BAHCC1: variants seen among roughly 807,000 people sequenced by gnomAD.
The protein encoded by BAHCC1 is BAH and coiled-coil domain-containing protein 1.
BAHCC1 carries 43 observed loss-of-function variants against 88.2 expected under a neutral mutation model. The observed-to-expected ratio is 0.49, with a 90% confidence interval of 0.38 to 0.63. The LOEUF (loss-of-function observed/expected upper bound fraction) is 0.63. Among genes scored for constraint, BAHCC1 ranks in the 20% least tolerant of loss-of-function variants. The pLI, the probability that BAHCC1 is intolerant of heterozygous loss-of-function variation, is 0.00. For synonymous variants in BAHCC1, 1,510 were observed against 745.5 expected (o/e 2.03, Z -16.71); for missense variants, 3,023 against 1,654.8 (o/e 1.83, Z -14.34).
chr17:81,446,438 ACC>A (rs2064528154), intron 10 of BAHCC1, among the ~76,000 whole-genome samples: 1 of 122,380 alleles, frequency 8.2e-6, no homozygotes, highest in African/African-American at 3.2e-5. Flanking sequence ...TCCTGAGGCC[ACC>A]CCCAGCCCCG....
intron 2 of BAHCC1, among the ~76,000 whole-genome samples, chr17:81,413,604 G>A (rs1031588645): frequency 1.3e-5 from 2 of 152,224 alleles, no homozygotes; most frequent in African/African-American, 2.4e-5. Flanking sequence ...GTTCCCAGAC[G>A]TCCTGCCTTG....
intron 2 of BAHCC1, among the ~76,000 whole-genome samples, chr17:81,413,564 C>G (rs901856143): frequency 6.6e-5 from 10 of 152,356 alleles, no homozygotes; most frequent in Admixed American, 2.0e-4. Context: ...CACGCAGGTG[C>G]AGTATCGTCT....
At chr17:81,429,484 C>G (rs2064236348) in intron 3 of BAHCC1, among the ~76,000 whole-genome samples, 1 of 152,230 alleles carries the variant, frequency 6.6e-6, no homozygotes, top group African/African-American at 2.4e-5. Flanking sequence ...GCCGGCGGGC[C>G]AGGGTGAGAG....
Position 81,442,422 on chromosome 17 carries a change from G to A in BAHCC1, c.1073G>A (p.Ser358Asn). 1.4e-6 allele frequency: 1 copy of A among 704,012 alleles called. No individual in the cohort carries two copies. The highest frequency in any genetic ancestry group is 2.6e-6 in the Non-Finnish European group (1 of 379,954). 43.6% of individuals were successfully genotyped at this position (704,012 alleles called of 1,614,324 possible). A position where few individuals can be genotyped will look rare whatever the true frequency, so the allele number is the denominator to read the frequency against. The part of the protein sequence containing the change: ...ASYAGPPPPL[S>N]TAAGSFPCLQ... ...TACGCCGGGCCACCCCCGCCCCTCA[G>A]CACAGCCGCCGGCTCCTTCCCCTGC... Residue 358 changes from serine to asparagine, a missense_variant, in exon 5 of 28, where the codon AGC (serine) becomes AAC (asparagine). Ser to Asn is a conservative substitution (Grantham distance 46). Transcript: ENST00000675386.
At chr17:81,424,720 G>A (rs1166294365) in intron 2 of BAHCC1, among the ~76,000 whole-genome samples, 2 of 151,726 alleles carry the variant, frequency 1.3e-5, no homozygotes, top group Admixed American at 6.6e-5. Flanking sequence ...AATGTGGTTG[G>A]TGTTGTGTGG....
rs782700601 is a variant in BAHCC1 at position 81,444,819 on chromosome 17, C to T, written c.2664C>T (p.His888=). 7 of 775,676 alleles carry T rather than the reference C, an allele frequency of 9.0e-6. No individual in the cohort carries two copies. The highest frequency in any genetic ancestry group is 2.7e-5 in the South Asian group (2 of 74,170). 48.0% of individuals were successfully genotyped at this position (775,676 alleles called of 1,614,324 possible). ...AGCCCACACCCCACAGCGCCCCCCA[C>T]GCACTTGGTAAGGGCCCCTGGTCCA... ...PSEPTPHSAP[H]ALADVMDQAS... is the part of the protein sequence containing the mutation. The change falls in exon 8 of 28, where the codon CAC becomes CAT. Residue 888 remains histidine, a synonymous_variant. Coordinates refer to ENST00000675386, the MANE Select transcript of BAHCC1 (RefSeq NM_001377448.1).
At chr17:81,402,401 G>A (rs1386366198) in intron 2 of BAHCC1, 1 of 152,174 alleles carries the variant, frequency 6.6e-6, no homozygotes, top group Admixed American at 6.5e-5. Flanking sequence ...AGATCACTTT[G>A]CTTTGGTCTG....
chr17:81,419,431 C>T (rs941399469), intron 2 of BAHCC1, among the ~76,000 whole-genome samples: 2 of 152,272 alleles, frequency 1.3e-5, no homozygotes, highest in East Asian at 3.8e-4. Context: ...GGGGGCTGCT[C>T]CTCCTTCCTG....
At position 81,447,405 on chromosome 17, in the gene BAHCC1, A is replaced by G; in HGVS notation, c.3533A>G (p.Gln1178Arg). ...GCCACCGGCCAGGCTCATTCTACTCAGGGAGGGGCACGAGAAGAGAGGAGC... is the reference window on the plus strand; with the variant it reads ...GCCACCGGCCAGGCTCATTCTACTCGGGGAGGGGCACGAGAAGAGAGGAGC... ...PEATGQAHST[Q>R]GGAREERSRE... Residue 1178 changes from glutamine to arginine, a missense_variant, in exon 11 of 28, where the codon CAG becomes CGG. Coordinates refer to ENST00000675386, the MANE Select transcript of BAHCC1 (RefSeq NM_001377448.1). 1.3e-6 allele frequency: 1 copy of G among 743,878 alleles called. No individual in the cohort carries two copies. Among genetic ancestry groups the G allele is most frequent in the Non-Finnish European group, 2.5e-6 (1 of 400,044 alleles). The allele number at this position is 743,878 out of a possible 1,614,324, so 46.1% of individuals were successfully genotyped here.
rs564346148 is a variant in BAHCC1 at position 81,461,571 on chromosome 17, C to T, written c.6908C>T (p.Ala2303Val). Residue 2303 changes from alanine (A) to valine (V), a missense_variant, in exon 26 of 28, where the codon GCG becomes GTG. Physicochemically the swap from Ala to Val is moderately conservative, Grantham distance 64. Transcript: ENST00000675386. ...SDEDEDGPGL[A>V]AGVPSRFLAR... Reference sequence around the variant, plus strand: ...GAGGACGAGGACGGGCCGGGGCTGGCGGCCGGCGTGCCCTCCCGCTTCCTC... The same window carrying T: ...GAGGACGAGGACGGGCCGGGGCTGGTGGCCGGCGTGCCCTCCCGCTTCCTC... 1.3e-5 allele frequency: 9 copies of T among 719,694 alleles called. 1 individual carries two copies. Among genetic ancestry groups the T allele is most frequent in the Middle Eastern group, 2.3e-4 (1 of 4,374 alleles). 44.6% of individuals were successfully genotyped at this position (719,694 alleles called of 1,614,324 possible).
chr17:81,463,578 C>T lies in BAHCC1; in HGVS notation c.7621-33C>T, dbSNP rs562684817. The T allele has an allele frequency of 3.4e-4, 264 of 777,578 alleles. 4 individuals are homozygous for T. The highest frequency in any genetic ancestry group is 3.1e-3 in the South Asian group (233 of 74,470). 48.2% of individuals were successfully genotyped at this position (777,578 alleles called of 1,614,324 possible). On this transcript the variant is annotated intron_variant, in intron 27 of 27. Coordinates refer to ENST00000675386, the MANE Select transcript of BAHCC1 (RefSeq NM_001377448.1). The stretch of plus-strand genomic sequence containing the variant: ...TGGGCAGGGGCGCACTGGCCAAGGC[C>T]GGCCACTGATGCCCCGCGCGCCTTG...
chr17:81,439,266 G>A (rs2064379183), intron 4 of BAHCC1, among the ~76,000 whole-genome samples: 1 of 152,206 alleles, frequency 6.6e-6, no homozygotes, highest in South Asian at 2.1e-4. Flanking sequence ...TCCTTGGGGT[G>A]ACACCAGGAG....
chr17:81,451,826 C>T lies in BAHCC1; in HGVS notation c.4135C>T (p.Gln1379Ter). The T allele has an allele frequency of 1.3e-6, 1 of 755,646 alleles. No homozygotes were observed. 46.8% of individuals were successfully genotyped at this position (755,646 alleles called of 1,614,324 possible). A position where few individuals can be genotyped will look rare whatever the true frequency, so the allele number is the denominator to read the frequency against. Reference protein sequence around the residue: ...CSGPRLTPRMQILQRKDTWTP... With the variant: ...CSGPRLTPRM ...CGGCCCCAGGCTCACCCCCCGCATG[C>T]AGATCCTGCAGCGCAAGGACACCTG... The change falls in exon 12 of 28, where the codon CAG (glutamine) becomes TAG (stop). Residue 1379 changes from glutamine to a stop codon, truncating the protein, a stop_gained. Transcript: ENST00000675386. LOFTEE classifies it high-confidence loss of function.
chr17:81,450,086 G>A (rs538494673), intron 11 of BAHCC1, among the ~76,000 whole-genome samples: 8 of 152,314 alleles, frequency 5.3e-5, no homozygotes, highest in African/African-American at 1.2e-4. Context: ...TAAGTGGAGC[G>A]TGGGGTTCTG....
In BAHCC1 at chr17:81,426,911, C is replaced by G. The variant is rs1031889423; in HGVS notation, c.290C>G (p.Pro97Arg). The G allele has an allele frequency of 9.0e-5, 36 of 398,920 alleles. No individual in the cohort carries two copies. Among genetic ancestry groups the G allele is most frequent in the Middle Eastern group, 1.2e-3 (2 of 1,610 alleles). 24.7% of individuals were successfully genotyped at this position (398,920 alleles called of 1,614,324 possible). The change falls in exon 3 of 28, where the codon CCC becomes CGC. Residue 97 changes from proline to arginine, a missense_variant. Pro to Arg is a moderately radical substitution (Grantham distance 103). Transcript: ENST00000675386. ...CACCCCAGCGGCCCCAGCTCCTCCC[C>G]CCCTGAGCAGGCCTACCGTGGCTCC... ...STHPSGPSSS[P>R]PEQAYRGSHP...
chr17:81,445,254 AC>A (rs2064502840), intron 9 of BAHCC1, 76 bp downstream of exon 9: 1 of 719,298 alleles, frequency 1.4e-6, no homozygotes, highest in Admixed American at 2.0e-5. Flanking sequence ...GCTCCAGGAG[AC>A]CCCTGCATGC....
In BAHCC1 at chr17:81,399,762, C is replaced by T. The variant is rs2063789577; in HGVS notation, c.23C>T (p.Pro8Leu). 4 of 1,197,780 alleles carry T rather than the reference C, an allele frequency of 3.3e-6. No homozygotes were observed. The highest frequency in any genetic ancestry group is 7.1e-5 in the South Asian group (2 of 28,232). The allele number at this position is 1,197,780 out of a possible 1,614,324, so 74.2% of individuals were successfully genotyped here. The change falls in exon 2 of 28, where the codon CCG (proline) becomes CTG (leucine). Residue 8 changes from proline (P) to leucine (L), a missense_variant. Physicochemically the swap from Pro to Leu is moderately conservative, Grantham distance 98. Coordinates refer to ENST00000675386, the MANE Select transcript of BAHCC1 (RefSeq NM_001377448.1). This position sits in a 1 kb window ranked among gnomAD's most constrained non-coding sequence, Gnocchi z 4.5. Reference sequence around the variant, plus strand: ...GGCATGGATGGCCGCGACTTTGCGCCGCCGCCGCATCTGCTGTCGGAGCGC... The same window carrying T: ...GGCATGGATGGCCGCGACTTTGCGCTGCCGCCGCATCTGCTGTCGGAGCGC... MDGRDFA[P>L]PPHLLSERGS...
At position 81,411,020 on chromosome 17, in the gene BAHCC1, T is replaced by C. The variant is rs1272759194; in HGVS notation, c.178+11103T>C. Reference sequence around the variant, plus strand: ...CGCACCTGGGTCTTTGTTGTCCATATGTCTGTGTGAAGGCCTGGGGCCCCC... The same window carrying C: ...CGCACCTGGGTCTTTGTTGTCCATACGTCTGTGTGAAGGCCTGGGGCCCCC... On this transcript the variant is annotated intron_variant, in intron 2 of 27. Transcript: ENST00000675386. The surrounding 1 kb of genome is among the most constrained non-coding windows in gnomAD (Gnocchi z 6.2). 1.4e-5 allele frequency: 7 copies of C among 515,124 alleles called. No individual in the cohort carries two copies. In the Admixed American group the frequency reaches 1.4e-4, roughly 10 times the overall value. The allele number at this position is 515,124 out of a possible 1,614,324, so 31.9% of individuals were successfully genotyped here.
rs138540675 is a variant in BAHCC1 at position 81,449,905 on chromosome 17, A to G, written c.3977-1763A>G. Among the ~76,000 whole-genome samples the G allele has an allele frequency of 1.5e-3, 227 of 152,262 alleles. 1 individual carries two copies. In the South Asian group the frequency reaches 0.016, roughly 10 times the overall value. On this transcript the variant is annotated intron_variant, in intron 11 of 27. Transcript: ENST00000675386. ...CCTCCCCATACTTGAGGAGGGAAGC[A>G]GCCACGCACCATGGAGTGCCCCAGC...
Sources: allele counts gnomAD v4.1 joint callset (sites outside exome capture counted in the v4.1 genomes callset), GRCh38; gene constraint gnomAD v4.1.1; non-coding constraint Gnocchi (gnomAD v3.1); transcripts MANE v1.5; gene names NCBI Gene and HGNC (gene_info 2026-07-23, HGNC 2026-07-21).